CYP4F12: variants seen among roughly 807,000 people sequenced by gnomAD.
CYP4F12 encodes cytochrome P450 4F12.
A neutral mutation model predicts 56.5 loss-of-function variants in CYP4F12; 60 were observed. The ratio of observed to expected loss-of-function variants is 1.06; its 90% CI spans 0.86 to 1.32. The LOEUF is 1.32. CYP4F12 is among the 40% of genes most tolerant of loss of function. The pLI, the probability that CYP4F12 is intolerant of heterozygous loss-of-function variation, is 0.00. For missense variants in CYP4F12, 711 were observed against 683.5 expected (o/e 1.04, Z -0.45); for synonymous variants, 263 against 264.9 (o/e 0.99, Z 0.07).
intron 2 of CYP4F12, among the ~76,000 whole-genome samples, chr19:15,676,375 AC>A (rs1375766091): frequency 7.5e-6 from 1 of 133,278 alleles, no homozygotes; most frequent in Non-Finnish European, 1.6e-5. Context: ...TCCTCTCCTC[AC>A]TCACTCATTC....
Position 15,684,870 on chromosome 19 carries a change from T to C in CYP4F12, c.973T>C (p.Phe325Leu). 1 of 1,605,878 alleles carries C rather than the reference T, an allele frequency of 6.2e-7. No individual in the cohort carries two copies. The highest frequency in any genetic ancestry group is 8.5e-7 in the Non-Finnish European group (1 of 1,175,872). The change falls in exon 8 of 13, where the codon TTC becomes CTC. Residue 325 changes from phenylalanine to leucine, a missense_variant. Transcript: ENST00000550308. The stretch of plus-strand genomic sequence containing the variant: ...GGATATAAGAGCAGAGGCTGACACC[T>C]TCATGTTTGGAGGTGAGGGTCCCAG... ...DEDIRAEADT[F>L]MFGGHDTTAS... is the part of the protein sequence containing the mutation.
chr19:15,689,645 TGC>T (rs1228964580), intron 9 of CYP4F12, among the ~76,000 whole-genome samples: 1 of 152,196 alleles, frequency 6.6e-6, no homozygotes, highest in African/African-American at 2.4e-5. Flanking sequence ...AAAAGACACA[TGC>T]ACATGCATGC....
intron 9 of CYP4F12, among the ~76,000 whole-genome samples, chr19:15,687,023 A>AGGCCT (rs2007642444): frequency 6.6e-6 from 1 of 152,232 alleles, no homozygotes; most frequent in African/African-American, 2.4e-5. Context: ...CATGCCTGTA[A>AGGCCT]TCCCAGCACT....
At chr19:15,694,428 G>A (rs191118037) in intron 9 of CYP4F12, among the ~76,000 whole-genome samples, 1 of 152,186 alleles carries the variant, frequency 6.6e-6, no homozygotes, top group African/African-American at 2.4e-5. Flanking sequence ...TGGATTCCTA[G>A]GTATTTTCTT....
chr19:15,685,119 G>A lies in CYP4F12; in HGVS notation c.1037G>A (p.Arg346Lys). 3 of 1,614,176 alleles carry A rather than the reference G, an allele frequency of 1.9e-6. No homozygotes were observed. Among genetic ancestry groups the A allele is most frequent in the Non-Finnish European group, 2.5e-6 (3 of 1,180,036 alleles). Residue 346 changes from arginine (R) to lysine (K), a missense_variant, in exon 9 of 13, where the codon AGG becomes AAG. Transcript: ENST00000550308. The stretch of plus-strand genomic sequence containing the variant: ...TCCTGGGTCCTGTACAACCTTGCGA[G>A]GCACCCAGAATACCAGGAGCGCTGC... ...GLSWVLYNLA[R>K]HPEYQERCRQ...
At position 15,696,894 on chromosome 19, in the gene CYP4F12, A is replaced by G; in HGVS notation, c.1398-14A>G. The G allele has an allele frequency of 3.1e-6, 5 of 1,605,852 alleles. No individual in the cohort carries two copies. The highest frequency in any genetic ancestry group is 4.3e-6 in the Non-Finnish European group (5 of 1,175,648). ...GGTCTTGGGCACAGTCACAGTCCCCACTCCCGCCTGCAGGAACTGCATCGG... is the reference window on the plus strand; with the variant it reads ...GGTCTTGGGCACAGTCACAGTCCCCGCTCCCGCCTGCAGGAACTGCATCGG... On this transcript the variant is annotated splice_polypyrimidine_tract_variant and intron_variant, in intron 12 of 12. Transcript: ENST00000550308.
At chr19:15,682,641 G>T in intron 6 of CYP4F12, 131 bp downstream of exon 6, 1 of 1,369,210 alleles carries the variant, frequency 7.3e-7, no homozygotes, top group Non-Finnish European at 1.0e-6. Context: ...TTTGAAGGTC[G>T]AGGAAGAGGA....
chr19:15,673,528 G>A lies in CYP4F12; in HGVS notation c.-1-1G>A, dbSNP rs777259159. On this transcript the variant is annotated splice_acceptor_variant, in intron 1 of 12. Coordinates refer to ENST00000550308, the MANE Select transcript of CYP4F12 (RefSeq NM_023944.4). LOFTEE classifies it low-confidence loss of function (5UTR_SPLICE). ...CACCCTGCATCCCCTCTGCCCTGCAGGATGTCGCTGCTGAGCCTGCCCTGG... is the reference window on the plus strand; with the variant it reads ...CACCCTGCATCCCCTCTGCCCTGCAAGATGTCGCTGCTGAGCCTGCCCTGG... 17 of 1,613,090 alleles carry A rather than the reference G, an allele frequency of 1.1e-5. No homozygotes were observed. Among genetic ancestry groups the A allele is most frequent in the Non-Finnish European group, 1.4e-5 (17 of 1,179,804 alleles).
intron 9 of CYP4F12, among the ~76,000 whole-genome samples, chr19:15,692,780 A>C (rs2007930928): frequency 6.6e-6 from 1 of 152,198 alleles, no homozygotes; most frequent in Non-Finnish European, 1.5e-5. Context: ...GTTAAATGAG[A>C]GAAAAGATAC....
At chr19:15,674,689 C>CCGCATTCA (rs1555747494) in intron 2 of CYP4F12, among the ~76,000 whole-genome samples, 1 of 135,278 alleles carries the variant, frequency 7.4e-6, no homozygotes, top group African/African-American at 2.7e-5. Context: ...TCATTCCTCT[C>CCGCATTCA]CTCATTCACT....
intron 9 of CYP4F12, among the ~76,000 whole-genome samples, chr19:15,689,803 A>C (rs1170116302): frequency 6.6e-6 from 1 of 152,200 alleles, no homozygotes; most frequent in Non-Finnish European, 1.5e-5. Flanking sequence ...CTTTTGCCGC[A>C]ACTTGGATGG....
chr19:15,673,768 A>T (rs745560983), intron 2 of CYP4F12, 41 bp downstream of exon 2: 1 of 1,606,084 alleles, frequency 6.2e-7, no homozygotes, highest in South Asian at 1.1e-5. Context: ...CTCAGGGTGG[A>T]TGGACTTCCA....
chr19:15,681,632 G>A (rs1340467001), intron 5 of CYP4F12: 2 of 152,152 alleles, frequency 1.3e-5, no homozygotes, highest in African/African-American at 4.8e-5. Flanking sequence ...TTTAATAGTG[G>A]CAGAAACAAG....
intron 2 of CYP4F12, among the ~76,000 whole-genome samples, chr19:15,677,721 C>T (rs1296625206): frequency 1.3e-5 from 2 of 149,448 alleles, no homozygotes; most frequent in South Asian, 2.1e-4. Context: ...TACCCACACA[C>T]TCATTCCTCT....
chr19:15,690,025 G>T (rs939930878), intron 9 of CYP4F12, among the ~76,000 whole-genome samples: 1 of 152,118 alleles, frequency 6.6e-6, no homozygotes, highest in Non-Finnish European at 1.5e-5. Flanking sequence ...GGTGATGGGT[G>T]CACTAAAACC....
At chr19:15,685,772 T>C (rs1056424830) in intron 9 of CYP4F12, among the ~76,000 whole-genome samples, 2 of 152,208 alleles carry the variant, frequency 1.3e-5, no homozygotes, top group Admixed American at 1.3e-4. Flanking sequence ...CCTTTCTTGT[T>C]TACTCTGAAT....
Position 15,683,760 on chromosome 19 carries a change from C to T in CYP4F12, c.915C>T (p.Ser305=), listed in dbSNP as rs778509646. 26 of 1,543,148 alleles carry T rather than the reference C, an allele frequency of 1.7e-5. No individual in the cohort carries two copies. Among genetic ancestry groups the T allele is most frequent in the Admixed American group, 1.4e-4 (7 of 48,376 alleles). ...TLDFIDVLLL[S]KDEDGKALSD... ...ATTTCATTGATGTGCTTCTGCTGAGCAAGGTAGGTTTCTCTATGATCTGAA... is the reference window on the plus strand; with the variant it reads ...ATTTCATTGATGTGCTTCTGCTGAGTAAGGTAGGTTTCTCTATGATCTGAA... The change falls in exon 7 of 13, where the codon AGC becomes AGT. Residue 305 remains serine, a synonymous_variant. Transcript: ENST00000550308.
intron 9 of CYP4F12, among the ~76,000 whole-genome samples, chr19:15,690,304 T>TACCCG (rs2007813448): frequency 6.6e-6 from 1 of 152,250 alleles, no homozygotes; most frequent in South Asian, 2.1e-4. Context: ...TTAATAAACA[T>TACCCG]ACCCGTCATC....
chr19:15,684,737 G>A (rs1462319699), intron 7 of CYP4F12, 79 bp from the exon 8 acceptor site: 1 of 1,401,854 alleles, frequency 7.1e-7, no homozygotes, highest in Non-Finnish European at 9.9e-7. Flanking sequence ...AGACTCCGGA[G>A]TCTCAGAGAT....
Sources: gnomAD v4.1 joint callset for allele counts (sites outside exome capture counted in the v4.1 genomes callset) on GRCh38, gnomAD v4.1.1 for gene constraint, MANE v1.5 for transcripts, NCBI Gene and HGNC (gene_info 2026-07-23, HGNC 2026-07-21) for gene names.